The following ANKS1B variants were observed in gnomAD, a reference collection of about 807,000 sequenced individuals.
ANKS1B encodes the protein ankyrin repeat and sterile alpha motif domain containing 1B.
Under a neutral mutation model 148.3 loss-of-function variants are expected in ANKS1B, and 36 were observed. That is an observed-to-expected ratio of 0.24 (90% CI 0.19 to 0.32). The LOEUF (loss-of-function observed/expected upper bound fraction) is 0.32. Among genes scored for constraint, ANKS1B ranks in the 10% least tolerant of loss-of-function variants. ANKS1B has a pLI of 1.00. For missense variants in ANKS1B, 1,157 were observed against 1,542.6 expected, an observed-to-expected ratio of 0.75 and a Z score of 4.19; for synonymous variants, 542 against 560.8, an observed-to-expected ratio of 0.97 and a Z score of 0.47.
chr12:99,696,547 C>T (rs1292733686), intron 8 of ANKS1B, among the ~76,000 whole-genome samples: 2 of 151,942 alleles, frequency 1.3e-5, no homozygotes, highest in African/African-American at 4.8e-5. Context: ...AAATTAGACA[C>T]AGGTCTTACA....
At chr12:98,957,217 A>G (rs1022207191) in intron 17 of ANKS1B, among the ~76,000 whole-genome samples, 2 of 152,174 alleles carry the variant, frequency 1.3e-5, no homozygotes, top group African/African-American at 4.8e-5. Context: ...CTTGGGCTCC[A>G]CAAGTGGGAT....
chr12:99,825,267 T>C lies in ANKS1B; in HGVS notation c.215+42A>G, dbSNP rs766956849. On this transcript the variant is annotated intron_variant, in intron 2 of 26. Coordinates refer to ENST00000683438, the MANE Select transcript of ANKS1B (RefSeq NM_001352186.2). ...AAGACATAATTAACTTCATCACATG[T>C]AACTAAATACACACGATTCCGTCCA... The C allele has an allele frequency of 5.3e-6, 8 of 1,511,546 alleles. No homozygotes were observed. In the South Asian group the frequency reaches 9.4e-5, roughly 18 times the overall value. 93.6% of individuals were successfully genotyped at this position (1,511,546 alleles called of 1,614,324 possible). A position where few individuals can be genotyped will look rare whatever the true frequency, so the allele number is the denominator to read the frequency against.
In ANKS1B at chr12:99,979,798, A is replaced by T. The variant is rs189815452; in HGVS notation, c.134+4306T>A. ...CACAATATTCTCACAGGAACAATGG[A>T]GAGAAATAGCTGATTGTCATTGCGT... On this transcript the variant is annotated intron_variant, in intron 1 of 26. Coordinates refer to ENST00000683438, the MANE Select transcript of ANKS1B (RefSeq NM_001352186.2). Among the ~76,000 whole-genome samples the T allele has an allele frequency of 5.8e-3, 880 of 152,210 alleles. 6 individuals are homozygous for T. Among genetic ancestry groups the T allele is most frequent in the Non-Finnish European group, 8.4e-3 (570 of 67,922 alleles).
intron 17 of ANKS1B, among the ~76,000 whole-genome samples, chr12:99,045,923 G>A (rs1476074560): frequency 6.6e-6 from 1 of 152,192 alleles, no homozygotes; most frequent in African/African-American, 2.4e-5. Context: ...GCTAGAGTTT[G>A]CCAGGCAGAG....
chr12:99,914,513 C>A lies in ANKS1B; in HGVS notation c.134+69591G>T, dbSNP rs144572787. Among the ~76,000 whole-genome samples the A allele has an allele frequency of 6.6e-4, 100 of 152,216 alleles. 1 individual carries two copies. The East Asian group carries it at 0.01, about 15-fold the overall frequency. ...GGGTAAGCCATCTATCAATTCAGGGCATGCTGTAAAAGTCAGAAAAACTCC... is the reference window on the plus strand; with the variant it reads ...GGGTAAGCCATCTATCAATTCAGGGAATGCTGTAAAAGTCAGAAAAACTCC... On this transcript the variant is annotated intron_variant, in intron 1 of 26. Transcript: ENST00000683438.
At chr12:99,227,919 T>A (rs1197836706) in intron 14 of ANKS1B, among the ~76,000 whole-genome samples, 1 of 151,806 alleles carries the variant, frequency 6.6e-6, no homozygotes, top group African/African-American at 2.4e-5. Flanking sequence ...TATTAATATA[T>A]TTAATATATT....
intron 12 of ANKS1B, among the ~76,000 whole-genome samples, chr12:99,267,162 A>G (rs1057383002): frequency 2.0e-5 from 3 of 152,240 alleles, no homozygotes; most frequent in Non-Finnish European, 2.9e-5. Flanking sequence ...ATAAAGGACA[A>G]GGGTCAACTC....
At chr12:99,373,830 G>C (rs2093265865) in intron 12 of ANKS1B, among the ~76,000 whole-genome samples, 1 of 152,162 alleles carries the variant, frequency 6.6e-6, no homozygotes, top group Admixed American at 6.6e-5. Context: ...GGGTGGACTG[G>C]ATTAAAGAAT....
chr12:99,478,379 A>G (rs576050822), intron 10 of ANKS1B, among the ~76,000 whole-genome samples: 1 of 152,236 alleles, frequency 6.6e-6, no homozygotes, highest in Admixed American at 6.6e-5. Flanking sequence ...ATGGCTGCAG[A>G]CATTTTTGGA....
chr12:98,894,814 G>A, intron 17 of ANKS1B: 2 of 983,832 alleles, frequency 2.0e-6, no homozygotes, highest in South Asian at 4.7e-5. Flanking sequence ...GGGCGGGAGA[G>A]GCGCGGAGCT....
chr12:99,426,492 T>C (rs749240268), intron 11 of ANKS1B, among the ~76,000 whole-genome samples: 2 of 152,220 alleles, frequency 1.3e-5, no homozygotes, highest in Non-Finnish European at 2.9e-5. Context: ...TTCTAAGAAT[T>C]CATGTCAAAT....
intron 12 of ANKS1B, among the ~76,000 whole-genome samples, chr12:99,261,585 T>C (rs913767791): frequency 6.6e-5 from 10 of 152,156 alleles, no homozygotes; most frequent in African/African-American, 1.9e-4. Context: ...GTTATCCTTA[T>C]GCCTCCTTTT....
At chr12:99,677,243 G>A (rs959321497) in intron 8 of ANKS1B, among the ~76,000 whole-genome samples, 3 of 152,140 alleles carry the variant, frequency 2.0e-5, no homozygotes, top group African/African-American at 4.8e-5. Context: ...CTGCTCCACA[G>A]AGGTGTGATC....
intron 17 of ANKS1B, among the ~76,000 whole-genome samples, chr12:98,857,015 T>TG (rs967485481): frequency 6.6e-6 from 1 of 151,948 alleles, no homozygotes; most frequent in African/African-American, 2.4e-5. Flanking sequence ...GGAGAGGCAA[T>TG]GATTCCTAAG....
At chr12:98,749,279 T>G (rs1023690929) in intron 26 of ANKS1B, among the ~76,000 whole-genome samples, 2 of 151,888 alleles carry the variant, frequency 1.3e-5, no homozygotes, top group African/African-American at 4.8e-5. Context: ...TTTTTTTTTT[T>G]TGTATTTTTA....
intron 8 of ANKS1B, among the ~76,000 whole-genome samples, chr12:99,699,476 G>T (rs925972982): frequency 1.3e-5 from 2 of 152,086 alleles, no homozygotes; most frequent in Non-Finnish European, 2.9e-5. Context: ...CAGCACCTGA[G>T]AAGCCGTTAA....
chr12:99,294,263 T>A (rs1279171263), intron 12 of ANKS1B, among the ~76,000 whole-genome samples: 1 of 152,178 alleles, frequency 6.6e-6, no homozygotes, highest in Non-Finnish European at 1.5e-5. Context: ...GGCCAAAATT[T>A]GGAAGCAACC....
chr12:98,754,130 A>G (rs2098170246), intron 25 of ANKS1B, among the ~76,000 whole-genome samples: 1 of 152,172 alleles, frequency 6.6e-6, no homozygotes, highest in Admixed American at 6.5e-5. Context: ...GCTAGGAAAT[A>G]CTGACCCTAC....
chr12:99,702,135 G>C (rs918230700), intron 8 of ANKS1B, among the ~76,000 whole-genome samples: 7 of 152,086 alleles, frequency 4.6e-5, no homozygotes, highest in African/African-American at 1.7e-4. Context: ...CATAGTGGCT[G>C]TACTAATTTA....
Sources: allele counts gnomAD v4.1 joint callset (sites outside exome capture counted in the v4.1 genomes callset), GRCh38; gene constraint gnomAD v4.1.1; transcripts MANE v1.5; gene names NCBI Gene and HGNC (gene_info 2026-07-23, HGNC 2026-07-21).